The following PARPBP variants were observed in gnomAD, a reference collection of about 807,000 sequenced individuals.
PARPBP encodes PCNA-interacting partner.
PARPBP carries 52 observed loss-of-function variants against 50.0 expected under a neutral mutation model. The observed-to-expected ratio is 1.04, with a 90% CI of 0.83 to 1.31. The LOEUF is 1.31. Ranked by LOEUF, PARPBP falls within the 50% of genes most tolerant of loss-of-function variation. The pLI, the probability that PARPBP is intolerant of heterozygous loss-of-function variation, is 0.00. For synonymous variants in PARPBP, 244 were observed against 232.1 expected (o/e 1.05, Z -0.47); for missense variants, 697 against 672.0 (o/e 1.04, Z -0.41).
At chr12:102,173,449 A>G (rs936194560) in intron 6 of PARPBP, among the ~76,000 whole-genome samples, 1 of 152,206 alleles carries the variant, frequency 6.6e-6, no homozygotes, top group African/African-American at 2.4e-5. Context: ...ATTCTATTTG[A>G]TGATAATATG....
intron 2 of PARPBP, among the ~76,000 whole-genome samples, chr12:102,147,732 AAATT>A (rs1416993903): frequency 1.3e-5 from 2 of 152,108 alleles, no homozygotes; most frequent in African/African-American, 2.4e-5. Context: ...AAAATAAAAA[AAATT>A]AATCTTTATG....
intron 2 of PARPBP, among the ~76,000 whole-genome samples, chr12:102,129,289 T>G (rs1232002635): frequency 6.6e-6 from 1 of 152,156 alleles, no homozygotes; most frequent in Non-Finnish European, 1.5e-5. Context: ...ATCCTGCTCT[T>G]TTGCCCATTT....
chr12:102,123,786 C>A, intron 1 of PARPBP, 100 bp from the exon 2 acceptor site: 2 of 641,726 alleles, frequency 3.1e-6, no homozygotes, highest in South Asian at 2.5e-5. Context: ...ACCTCTCATT[C>A]ACTATATGTT....
At chr12:102,147,396 A>G (rs1885526081) in intron 2 of PARPBP, among the ~76,000 whole-genome samples, 1 of 152,126 alleles carries the variant, frequency 6.6e-6, no homozygotes, top group South Asian at 2.1e-4. Context: ...ATGAAAAATG[A>G]TGAGTTCATG....
chr12:102,127,386 C>T (rs749176111), intron 2 of PARPBP, among the ~76,000 whole-genome samples: 16 of 149,878 alleles, frequency 1.1e-4, no homozygotes, highest in Non-Finnish European at 1.8e-4. Context: ...AAAACGAGAA[C>T]CTATCTCAAA....
At chr12:102,156,176 CTTTTTTTTTTTT>C (rs869213784) in intron 4 of PARPBP, among the ~76,000 whole-genome samples, 3 of 66,176 alleles carry the variant, frequency 4.5e-5, no homozygotes, top group Admixed American at 1.9e-4. Flanking sequence ...ATTAACCTTC[CTTTTTTTTTTTT>C]TTTTTTTTTT....
In PARPBP at chr12:102,197,431, T is replaced by C; in HGVS notation, c.*1140T>C. Reference sequence around the variant, plus strand: ...TTGTGACTGTTTGCATATACTTCTGTTTATAAAAGTATCAGTTTTACTTTT... The same window carrying C: ...TTGTGACTGTTTGCATATACTTCTGCTTATAAAAGTATCAGTTTTACTTTT... On this transcript the variant is annotated 3_prime_UTR_variant, in exon 11 of 11. Transcript: ENST00000327680. The C allele has an allele frequency of 2.5e-6, 3 of 1,204,372 alleles. No homozygotes were observed. Among genetic ancestry groups the C allele is most frequent in the South Asian group, 2.9e-5 (2 of 67,824 alleles). The allele number at this position is 1,204,372 out of a possible 1,614,324, so 74.6% of individuals were successfully genotyped here.
At chr12:102,165,906 A>G (rs761977693) in intron 6 of PARPBP, 23 bp downstream of exon 6, 1 of 1,405,384 alleles carries the variant, frequency 7.1e-7, no homozygotes, top group Non-Finnish European at 9.9e-7. Flanking sequence ...CATATATTAC[A>G]AATATGTTTT....
chr12:102,191,563 ACT>A (rs1890797689), intron 9 of PARPBP, among the ~76,000 whole-genome samples: 1 of 152,076 alleles, frequency 6.6e-6, no homozygotes, highest in Admixed American at 6.6e-5. Flanking sequence ...AATACAGCTA[ACT>A]CTGAGTGTCT....
At chr12:102,166,000 A>G in intron 6 of PARPBP, 117 bp downstream of exon 6, 1 of 640,572 alleles carries the variant, frequency 1.6e-6, no homozygotes, top group Non-Finnish European at 2.7e-6. Flanking sequence ...GGTGAGGCGA[A>G]GAAACAAAAT....
intron 5 of PARPBP, 55 bp downstream of exon 5, chr12:102,164,663 A>G (rs1887947461): frequency 7.1e-7 from 1 of 1,402,418 alleles, no homozygotes; most frequent in South Asian, 1.2e-5. Flanking sequence ...GGATCCATGT[A>G]TCCTAATATG....
chr12:102,160,029 G>T (rs1180430764), intron 4 of PARPBP, among the ~76,000 whole-genome samples: 1 of 152,186 alleles, frequency 6.6e-6, no homozygotes, highest in African/African-American at 2.4e-5. Flanking sequence ...TTTGGTAAAG[G>T]CTTCAATCTT....
At chr12:102,142,030 C>T (rs1380971842) in intron 2 of PARPBP, among the ~76,000 whole-genome samples, 1 of 152,160 alleles carries the variant, frequency 6.6e-6, no homozygotes, top group African/African-American at 2.4e-5. Context: ...TGAATGTTGG[C>T]CTGCCCTGCT....
At chr12:102,169,992 C>T (rs1209624670) in intron 6 of PARPBP, among the ~76,000 whole-genome samples, 1 of 152,044 alleles carries the variant, frequency 6.6e-6, no homozygotes, top group Non-Finnish European at 1.5e-5. Flanking sequence ...ATGTTTGAGT[C>T]CAAGGAAGGG....
chr12:102,179,544 G>A (rs140911816), intron 8 of PARPBP, among the ~76,000 whole-genome samples: 2 of 152,306 alleles, frequency 1.3e-5, no homozygotes, highest in Non-Finnish European at 2.9e-5. Flanking sequence ...CCTTTTTGCT[G>A]TGTGGTCACA....
intron 1 of PARPBP, 113 bp from the exon 2 acceptor site, chr12:102,123,773 A>G: frequency 1.8e-6 from 1 of 553,146 alleles, no homozygotes; most frequent in East Asian, 3.2e-5. Flanking sequence ...TAAATATGAA[A>G]TGACCTCTCA....
intron 8 of PARPBP, 109 bp downstream of exon 8, chr12:102,178,879 G>C (rs1889558539): frequency 1.5e-6 from 1 of 646,296 alleles, no homozygotes; most frequent in African/African-American, 1.9e-5. Flanking sequence ...TGTGAAGAAA[G>C]AAAATAAAAG....
chr12:102,125,961 A>C (rs550479711), intron 2 of PARPBP, among the ~76,000 whole-genome samples: 2 of 152,256 alleles, frequency 1.3e-5, no homozygotes, highest in Admixed American at 1.3e-4. Context: ...ATTCTCCCCT[A>C]CCTCAACAGA....
intron 2 of PARPBP, among the ~76,000 whole-genome samples, chr12:102,145,581 TTAAAG>T (rs1885232572): frequency 6.6e-6 from 1 of 152,138 alleles, no homozygotes; most frequent in African/African-American, 2.4e-5. Flanking sequence ...GAAGAAGACT[TTAAAG>T]AAAGCATTAT....
Sources: gnomAD v4.1 joint callset for allele counts (sites outside exome capture counted in the v4.1 genomes callset) on GRCh38, gnomAD v4.1.1 for gene constraint, MANE v1.5 for transcripts, NCBI Gene and HGNC (gene_info 2026-07-23, HGNC 2026-07-21) for gene names.